CAST: variants seen among roughly 807,000 people sequenced by gnomAD.
The protein encoded by CAST is MIR583 host.
CAST carries 76 observed loss-of-function variants against 119.6 expected under a neutral mutation model. The ratio of observed to expected loss-of-function variants is 0.64; its 90% confidence interval spans 0.53 to 0.77. The LOEUF is 0.77. Ranked by LOEUF, CAST falls within the 30% of genes least tolerant of loss-of-function variation. The pLI is 0.00. For synonymous variants in CAST, 319 were observed against 331.6 expected, an observed-to-expected ratio of 0.96 and a Z score of 0.41; for missense variants, 953 against 946.5, an observed-to-expected ratio of 1.01 and a Z score of -0.09.
chr5:96,204,275 T>A, the CAST span, among the ~76,000 whole-genome samples: 2 of 151,928 alleles, frequency 1.3e-5, no homozygotes, highest in Non-Finnish European at 2.9e-5. Context: ...CTGGTTTGAG[T>A]GTGTCCAGGA....
At chr5:96,417,823 A>G in the CAST span, among the ~76,000 whole-genome samples, 1 of 152,218 alleles carries the variant, frequency 6.6e-6, no homozygotes, top group East Asian at 1.9e-4. Flanking sequence ...ACAGAAGGCA[A>G]CTTATGCTTT....
rs748958280 is a variant in CAST at position 96,729,209 on chromosome 5, G to A, written c.435G>A (p.Glu145=). The A allele has an allele frequency of 2.8e-5, 43 of 1,552,998 alleles. No homozygotes were observed. The highest frequency in any genetic ancestry group is 3.6e-5 in the Non-Finnish European group (40 of 1,126,174). Residue 145 remains glutamate, a splice_region_variant and synonymous_variant, in exon 7 of 32, where the codon GAG becomes GAA. Coordinates refer to ENST00000675179, the MANE Select transcript of CAST (RefSeq NM_001750.7). Reference sequence around the variant, plus strand: ...AAGGAAAGCCAAAAGAACACACAGAGGTAAATGATTATCATCAGGACTTAA... The same window carrying A: ...AAGGAAAGCCAAAAGAACACACAGAAGTAAATGATTATCATCAGGACTTAA... The part of the protein sequence containing the change: ...SQEGKPKEHT[E]PKSLPKQASD...
the CAST span, among the ~76,000 whole-genome samples, chr5:96,018,141 T>C: frequency 2.6e-5 from 4 of 152,228 alleles, no homozygotes; most frequent in African/African-American, 9.6e-5. Context: ...ATTGACGTCA[T>C]GCAGAAGATA....
chr5:96,489,913 T>C, the CAST span, among the ~76,000 whole-genome samples: 1 of 152,230 alleles, frequency 6.6e-6, no homozygotes, highest in Non-Finnish European at 1.5e-5. Context: ...AGAAAGGAGC[T>C]ATGTTTTTGA....
chr5:96,518,655 G>T, the CAST span, among the ~76,000 whole-genome samples: 1 of 152,106 alleles, frequency 6.6e-6, no homozygotes, highest in Non-Finnish European at 1.5e-5. Context: ...GCTTTGTTTG[G>T]GGCCAACCAA....
chr5:96,673,364 A>G (rs1750344702), intron 1 of CAST, among the ~76,000 whole-genome samples: 2 of 152,218 alleles, frequency 1.3e-5, no homozygotes, highest in Non-Finnish European at 2.9e-5. Context: ...CTGAAAATCA[A>G]AAGTGGTTCA....
At chr5:96,432,318 C>T in the CAST span, among the ~76,000 whole-genome samples, 4 of 152,200 alleles carry the variant, frequency 2.6e-5, 1 homozygote, top group African/African-American at 9.6e-5. Flanking sequence ...GTCGCGAGTC[C>T]CAGCAGCTGG....
At chr5:96,533,635 G>C (rs750332376) in intron 1 of CAST, among the ~76,000 whole-genome samples, 84 of 152,126 alleles carry the variant, frequency 5.5e-4, no homozygotes, top group Non-Finnish European at 1.0e-3. Flanking sequence ...AGTACATGTA[G>C]GCTCCAAATT....
chr5:96,218,588 C>A, the CAST span, among the ~76,000 whole-genome samples: 4 of 152,234 alleles, frequency 2.6e-5, no homozygotes, highest in African/African-American at 9.6e-5. Flanking sequence ...CCTTTCCCAA[C>A]TTCTGCTGCC....
the CAST span, among the ~76,000 whole-genome samples, chr5:96,329,633 G>A: frequency 6.6e-6 from 1 of 152,196 alleles, no homozygotes; most frequent in African/African-American, 2.4e-5. Flanking sequence ...AACATGAGAA[G>A]TCAGGCTACT....
the CAST span, among the ~76,000 whole-genome samples, chr5:96,151,416 A>G: frequency 6.6e-6 from 1 of 152,224 alleles, no homozygotes; most frequent in Non-Finnish European, 1.5e-5. Context: ...CATGAGGATC[A>G]CTTGAGTCCA....
At chr5:96,182,127 AC>A in the CAST span, among the ~76,000 whole-genome samples, 1 of 152,252 alleles carries the variant, frequency 6.6e-6, no homozygotes, top group Non-Finnish European at 1.5e-5. Context: ...ATCTTGAAAT[AC>A]TTTATAAGTT....
chr5:96,625,676 TG>T (rs879782925), intron 1 of CAST, among the ~76,000 whole-genome samples: 5 of 152,246 alleles, frequency 3.3e-5, no homozygotes, highest in Non-Finnish European at 5.9e-5. Flanking sequence ...AATTGCATTT[TG>T]TTTTTATTTC....
chr5:96,157,249 C>T, the CAST span, among the ~76,000 whole-genome samples: 1 of 152,172 alleles, frequency 6.6e-6, no homozygotes, highest in Non-Finnish European at 1.5e-5. Flanking sequence ...TGATCACTAG[C>T]AAGCCAGTCA....
the CAST span, among the ~76,000 whole-genome samples, chr5:96,143,220 C>T: frequency 1.3e-5 from 2 of 152,134 alleles, no homozygotes; most frequent in African/African-American, 2.4e-5. Flanking sequence ...ATTTTCCTTC[C>T]CACATGACTC....
chr5:96,716,308 A>G (rs1757179090), intron 3 of CAST, among the ~76,000 whole-genome samples: 1 of 152,220 alleles, frequency 6.6e-6, no homozygotes, highest in Non-Finnish European at 1.5e-5. Flanking sequence ...CTCCTGGTTG[A>G]TGACAGTCAT....
the CAST span, among the ~76,000 whole-genome samples, chr5:96,051,466 C>A: frequency 6.6e-6 from 1 of 152,226 alleles, no homozygotes; most frequent in African/African-American, 2.4e-5. Context: ...AAGCAGCTAG[C>A]CTGGGGCTGG....
At chr5:96,368,260 G>A in the CAST span, among the ~76,000 whole-genome samples, 1 of 151,864 alleles carries the variant, frequency 6.6e-6, no homozygotes, top group Admixed American at 6.6e-5. Context: ...AGCACTTTGG[G>A]TGGCCAATGC....
the CAST span, chr5:96,408,078 G>A: frequency 4.3e-6 from 3 of 694,422 alleles, no homozygotes; most frequent in Non-Finnish European, 5.3e-6. Flanking sequence ...TATGGTTAGT[G>A]ACCTCGAAGT....
Sources: allele counts gnomAD v4.1 joint callset (sites outside exome capture counted in the v4.1 genomes callset), GRCh38; gene constraint gnomAD v4.1.1; transcripts MANE v1.5; gene names NCBI Gene and HGNC (gene_info 2026-07-23, HGNC 2026-07-21).